Variants in NOP58 observed in about 807,000 individuals in gnomAD.
NOP58 encodes the protein NOP58 ribonucleoprotein.
Under a neutral mutation model 71.2 loss-of-function variants are expected in NOP58, and 44 were observed. That is an observed-to-expected ratio of 0.62 (90% CI 0.49 to 0.79). The LOEUF is 0.79. Ranked by LOEUF, NOP58 falls within the 30% of genes least tolerant of loss-of-function variation. The pLI, the probability that NOP58 is intolerant of heterozygous loss-of-function variation, is 0.00. For synonymous variants in NOP58, 228 were observed against 200.3 expected (o/e 1.14, Z -1.17); for missense variants, 538 against 620.2 (o/e 0.87, Z 1.41).
rs542430127 is a variant in NOP58 at position 202,288,510 on chromosome 2, T to C, written c.499+786T>C. ...TAAAAAAAAAAAAAAAAAATCAAAA[T>C]CTTAATCGTTTTTCTATTTTAGAAA... On this transcript the variant is annotated intron_variant, in intron 6 of 14. Transcript: ENST00000264279. 2.6e-4 allele frequency among the ~76,000 whole-genome samples: 38 copies of C among 146,654 alleles called. No individual in the cohort carries two copies. The South Asian group carries it at 3.4e-3, about 13-fold the overall frequency.
In NOP58 at chr2:202,295,814, A is replaced by G. The variant is rs761690055; in HGVS notation, c.1048A>G (p.Thr350Ala). 1 of 1,589,904 alleles carries G rather than the reference A, an allele frequency of 6.3e-7. No homozygotes were observed. Among genetic ancestry groups the G allele is most frequent in the Non-Finnish European group, 8.5e-7 (1 of 1,170,602 alleles). The stretch of plus-strand genomic sequence containing the variant: ...TTATCATGCTTCACTCGTGGGCCAG[A>G]CAAGTCCCAAACACAAAGGAAAGGT... Reference protein sequence around the residue: ...LIYHASLVGQTSPKHKGKISR... With the variant: ...LIYHASLVGQASPKHKGKISR... The change falls in exon 10 of 15, where the codon ACA becomes GCA. Residue 350 changes from threonine to alanine, a missense_variant. Thr to Ala is a moderately conservative substitution (Grantham distance 58). Coordinates refer to ENST00000264279, the MANE Select transcript of NOP58 (RefSeq NM_015934.5).
chr2:202,286,355 A>G lies in NOP58; in HGVS notation c.435-1305A>G, dbSNP rs1040061700. On this transcript the variant is annotated intron_variant, in intron 5 of 14. Transcript: ENST00000264279. ...CCGTCTCTACTAAAAATACAAAAAA[A>G]TTAGCCAGGCATGGTGGCGGGCGCC... Among the ~76,000 whole-genome samples the G allele has an allele frequency of 2.7e-5, 4 of 148,776 alleles. No homozygotes were observed. In the South Asian group the frequency reaches 8.5e-4, roughly 32 times the overall value.
At chr2:202,281,186 G>A (rs925991464) in intron 3 of NOP58, among the ~76,000 whole-genome samples, 5 of 150,324 alleles carry the variant, frequency 3.3e-5, no homozygotes, top group Non-Finnish European at 5.9e-5. Context: ...AGGCTGGAGT[G>A]CAATGTCACG....
At chr2:202,301,717 C>T (rs575609292) in intron 13 of NOP58, among the ~76,000 whole-genome samples, 2 of 152,242 alleles carry the variant, frequency 1.3e-5, no homozygotes, top group East Asian at 1.9e-4. Flanking sequence ...CCCTCCAAAA[C>T]GCCTTACGAC....
intron 1 of NOP58, among the ~76,000 whole-genome samples, chr2:202,273,166 A>T (rs77018809): frequency 0.23 from 34,498 of 152,186 alleles, 5,920 homozygotes; most frequent in African/African-American, 0.48. Context: ...TCACCATTCT[A>T]AAACTGAAGT....
intron 9 of NOP58, among the ~76,000 whole-genome samples, chr2:202,294,285 C>T (rs971135072): frequency 2.1e-5 from 3 of 142,720 alleles, no homozygotes; most frequent in Non-Finnish European, 4.5e-5. Context: ...TGACATTGCA[C>T]ACAGCAGTGG....
intron 13 of NOP58, 137 bp from the exon 14 acceptor site, chr2:202,302,784 C>T: frequency 1.6e-6 from 2 of 1,223,494 alleles, no homozygotes; most frequent in Non-Finnish European, 2.2e-6. Flanking sequence ...GAGAACCTTC[C>T]CAATTATAAA....
chr2:202,266,140 A>G (rs528799058), intron 1 of NOP58, among the ~76,000 whole-genome samples, 154 bp downstream of exon 1: 2 of 152,250 alleles, frequency 1.3e-5, no homozygotes, highest in African/African-American at 2.4e-5. Context: ...CCTGAGAGCC[A>G]TGTTACGTGT....
Position 202,270,512 on chromosome 2 carries a change from A to G in NOP58, c.45+4526A>G, listed in dbSNP as rs536780224. Among the ~76,000 whole-genome samples, 4 of 152,358 alleles carry G rather than the reference A, an allele frequency of 2.6e-5. 1 individual carries two copies. In the South Asian group the frequency reaches 8.3e-4, roughly 32 times the overall value. ...TACACAAAACATAGAGGTTGGGTGC[A>G]GTGGCTCACGCCTGTCACCCTAACA... On this transcript the variant is annotated intron_variant, in intron 1 of 14. Coordinates refer to ENST00000264279, the MANE Select transcript of NOP58 (RefSeq NM_015934.5).
At chr2:202,286,476 G>C (rs1339758573) in intron 5 of NOP58, among the ~76,000 whole-genome samples, 1 of 152,326 alleles carries the variant, frequency 6.6e-6, no homozygotes, top group East Asian at 1.9e-4. Context: ...CTGCACTCCA[G>C]CCTGGGTGAC....
intron 3 of NOP58, among the ~76,000 whole-genome samples, chr2:202,279,224 G>T (rs928045894): frequency 4.5e-4 from 69 of 152,138 alleles, no homozygotes; most frequent in African/African-American, 1.6e-3. Context: ...TTTTGCATAC[G>T]ATCTTTAATC....
chr2:202,291,082 G>T lies in NOP58; in HGVS notation c.635-43G>T, dbSNP rs1688879767. 2 of 1,498,866 alleles carry T rather than the reference G, an allele frequency of 1.3e-6. No individual in the cohort carries two copies. The highest frequency in any genetic ancestry group is 1.4e-5 in the African/African-American group (1 of 70,764). 92.8% of individuals were successfully genotyped at this position (1,498,866 alleles called of 1,614,324 possible). The stretch of plus-strand genomic sequence containing the variant: ...CTATTTGCTGGATTTTATATAATTT[G>T]TTGAAGAGTGATTCTCCCTCATCCT... On this transcript the variant is annotated intron_variant, in intron 7 of 14. Coordinates refer to ENST00000264279, the MANE Select transcript of NOP58 (RefSeq NM_015934.5).
At chr2:202,291,317 T>C in intron 8 of NOP58, 47 bp downstream of exon 8, 2 of 1,439,040 alleles carry the variant, frequency 1.4e-6, no homozygotes, top group African/African-American at 1.4e-5. Flanking sequence ...ACCAGCTCTA[T>C]AGTACTAATT....
Position 202,303,416 on chromosome 2 carries a change from A to G in NOP58, c.1570A>G (p.Lys524Glu), listed in dbSNP as rs1005636366. 16 of 1,612,212 alleles carry G rather than the reference A, an allele frequency of 9.9e-6. No individual in the cohort carries two copies. Among genetic ancestry groups the G allele is most frequent in the East Asian group, 4.5e-5 (2 of 44,828 alleles). The change falls in exon 15 of 15, where the codon AAG becomes GAG. Residue 524 changes from lysine to glutamate, a missense_variant. Lys to Glu is a moderately conservative substitution (Grantham distance 56). Coordinates refer to ENST00000264279, the MANE Select transcript of NOP58 (RefSeq NM_015934.5). ...AGAGAAAAAGAAGAAAAAGAAAAAAAAGAGAGAGAACGAGGATTAACAGAA... is the reference window on the plus strand; with the variant it reads ...AGAGAAAAAGAAGAAAAAGAAAAAAGAGAGAGAGAACGAGGATTAACAGAA... ...SPEKKKKKKK[K>E]RENED
Position 202,265,769 on chromosome 2 carries a change from C to T in NOP58, c.-173C>T. 1.5e-6 allele frequency: 1 copy of T among 650,694 alleles called. No homozygotes were observed. Among genetic ancestry groups the T allele is most frequent in the South Asian group, 1.8e-5 (1 of 55,556 alleles). The allele number at this position is 650,694 out of a possible 1,614,324, so 40.3% of individuals were successfully genotyped here. Reference sequence around the variant, plus strand: ...AGTAGCGCGTTCGTGCGTCCTAGTTCCAGTACAGCGTGGAGGGTTTAGGCA... The same window carrying T: ...AGTAGCGCGTTCGTGCGTCCTAGTTTCAGTACAGCGTGGAGGGTTTAGGCA... On this transcript the variant is annotated 5_prime_UTR_variant, in exon 1 of 15. Transcript: ENST00000264279.
At chr2:202,286,271 G>A (rs908883167) in intron 5 of NOP58, among the ~76,000 whole-genome samples, 11 of 151,472 alleles carry the variant, frequency 7.3e-5, no homozygotes, top group Admixed American at 4.6e-4. Flanking sequence ...TTGCGAGGCT[G>A]AGGCAGGTGA....
Position 202,290,476 on chromosome 2 carries a change from C to T in NOP58, c.634+19C>T, listed in dbSNP as rs762879279. ...AAAGTTGGTGAGTAATTTGTTCATC[C>T]TTTAAGGCATTGAAAGTAAATGAAT... On this transcript the variant is annotated intron_variant, in intron 7 of 14. Transcript: ENST00000264279. The T allele has an allele frequency of 6.3e-7, 1 of 1,588,674 alleles. No homozygotes were observed. Among genetic ancestry groups the T allele is most frequent in the Admixed American group, 1.7e-5 (1 of 57,500 alleles).
Position 202,290,471 on chromosome 2 carries a change from T to C in NOP58, c.634+14T>C. On this transcript the variant is annotated intron_variant, in intron 7 of 14. Coordinates refer to ENST00000264279, the MANE Select transcript of NOP58 (RefSeq NM_015934.5). Reference sequence around the variant, plus strand: ...TACAGAAAGTTGGTGAGTAATTTGTTCATCCTTTAAGGCATTGAAAGTAAA... The same window carrying C: ...TACAGAAAGTTGGTGAGTAATTTGTCCATCCTTTAAGGCATTGAAAGTAAA... 6.2e-7 allele frequency: 1 copy of C among 1,600,976 alleles called. No homozygotes were observed. The highest frequency in any genetic ancestry group is 1.1e-5 in the South Asian group (1 of 90,040).
chr2:202,292,946 ATTTTCT>A, intron 9 of NOP58, 43 bp downstream of exon 9: 1 of 1,608,260 alleles, frequency 6.2e-7, no homozygotes, highest in East Asian at 2.2e-5. Context: ...TGTTTGAAGT[ATTTTCT>A]GGTTAGGATT....
Sources: gnomAD v4.1 joint callset for allele counts (sites outside exome capture counted in the v4.1 genomes callset) on GRCh38, gnomAD v4.1.1 for gene constraint, MANE v1.5 for transcripts, NCBI Gene and HGNC (gene_info 2026-07-23, HGNC 2026-07-21) for gene names.